Variants in SPEN observed in about 807,000 individuals in gnomAD.
SPEN encodes spen family transcriptional repressor.
In SPEN, 18 loss-of-function variants were observed where a neutral mutation model predicts 269.9. That is an observed-to-expected ratio of 0.07 (90% CI 0.05 to 0.10). The LOEUF (loss-of-function observed/expected upper bound fraction) is 0.10. Among genes scored for constraint, SPEN ranks in the 10% least tolerant of loss-of-function variants. The pLI, the probability that SPEN is intolerant of heterozygous loss-of-function variation, is 1.00. For synonymous variants in SPEN, 1,726 were observed against 1,765.7 expected, an observed-to-expected ratio of 0.98 and a Z score of 0.56; for missense variants, 3,822 against 4,631.2, an observed-to-expected ratio of 0.83 and a Z score of 5.07.
At chr1:15,909,252 A>C (rs2148728033) in intron 3 of SPEN, 69 bp from the exon 4 acceptor site, 1 of 1,524,256 alleles carries the variant, frequency 6.6e-7, no homozygotes, top group South Asian at 1.3e-5. Flanking sequence ...TTATTTTAAG[A>C]AGTTTTCTAA....
chr1:15,876,960 A>T (rs1314651203), intron 3 of SPEN, among the ~76,000 whole-genome samples: 1 of 152,204 alleles, frequency 6.6e-6, no homozygotes, highest in Non-Finnish European at 1.5e-5. Context: ...TGCAAGGCAA[A>T]TCTTGTGACA....
rs2071290838 is a variant in SPEN, at chr1:15,937,736, T to A, written c.10510-76T>A. On this transcript the variant is annotated intron_variant, in intron 12 of 14. Transcript: ENST00000375759. This position sits in a 1 kb window ranked among gnomAD's most constrained non-coding sequence, Gnocchi z 5.7. ...TTCCCTAGTTAACAGACCCACAAGC[T>A]ACAGCCTCTGGCTGTGTCCAGCATG... 1 of 1,607,106 alleles carries A rather than the reference T, an allele frequency of 6.2e-7. No homozygotes were observed. Among genetic ancestry groups the A allele is most frequent in the Non-Finnish European group, 8.5e-7 (1 of 1,176,146 alleles).
intron 10 of SPEN, among the ~76,000 whole-genome samples, chr1:15,927,268 T>G (rs1037220879): frequency 6.6e-6 from 1 of 152,180 alleles, no homozygotes; most frequent in Non-Finnish European, 1.5e-5. Flanking sequence ...ATCCCTGGTT[T>G]GTTAGTTGGC....
chr1:15,919,254 G>A (rs1284118382), intron 7 of SPEN, 150 bp from the exon 8 acceptor site: 2 of 687,790 alleles, frequency 2.9e-6, no homozygotes, highest in African/African-American at 3.7e-5. Context: ...GATTTTTTTT[G>A]TATATTCCTA....
At position 15,933,630 on chromosome 1, in the gene SPEN, G is replaced by T; in HGVS notation, c.7390G>T (p.Asp2464Tyr). The change falls in exon 11 of 15, where the codon GAT becomes TAT. Residue 2464 changes from aspartate to tyrosine, a missense_variant. By Grantham distance (160) the Asp-to-Tyr change is radical. This residue lies in a region of SPEN where 727 missense variants were observed against 737.9 expected (regional missense o/e 0.99). Coordinates refer to ENST00000375759, the MANE Select transcript of SPEN (RefSeq NM_015001.3). This position sits in a 1 kb window ranked among gnomAD's most constrained non-coding sequence, Gnocchi z 5.7. The stretch of plus-strand genomic sequence containing the variant: ...AAGTGACCCGGTGACCCCACCCAGC[G>T]ATCCAAGCATCCCCATACCCACACT... ...IESDPVTPPS[D>Y]PSIPIPTLPS... 3 of 1,614,028 alleles carry T rather than the reference G, an allele frequency of 1.9e-6. No homozygotes were observed. The highest frequency in any genetic ancestry group is 1.3e-5 in the African/African-American group (1 of 75,002).
In SPEN at chr1:15,939,688, C is replaced by CA. The variant is rs1394176154; in HGVS notation, c.*261_*262insA. 7 of 344,662 alleles carry CA rather than the reference C, an allele frequency of 2.0e-5. No homozygotes were observed. The highest frequency in any genetic ancestry group is 4.8e-5 in the Admixed American group (1 of 20,800). 21.4% of individuals were successfully genotyped at this position (344,662 alleles called of 1,614,324 possible). A position where few individuals can be genotyped will look rare whatever the true frequency, so the allele number is the denominator to read the frequency against. On this transcript the variant is annotated 3_prime_UTR_variant, in exon 15 of 15. Coordinates refer to ENST00000375759, the MANE Select transcript of SPEN (RefSeq NM_015001.3). This position sits in a 1 kb window ranked among gnomAD's most constrained non-coding sequence, Gnocchi z 4.1. ...ACTCGCAGACACCGGGGCTGGGTTT[C>CA]TCTTTCCTCTTTTTGGAGAAAAGGA...
At chr1:15,891,477 G>A (rs994466108) in intron 3 of SPEN, among the ~76,000 whole-genome samples, 1 of 150,608 alleles carries the variant, frequency 6.6e-6, no homozygotes, top group Admixed American at 6.7e-5. Flanking sequence ...TCAGCCTCCC[G>A]AGTAGCTGGG....
intron 10 of SPEN, among the ~76,000 whole-genome samples, chr1:15,926,723 C>T (rs1272637549): frequency 1.1e-4 from 16 of 147,630 alleles, no homozygotes; most frequent in Admixed American, 2.1e-4. Flanking sequence ...GATGGAGTCT[C>T]GCTGTGTCGC....
chr1:15,927,299 C>T (rs906193927), intron 10 of SPEN, among the ~76,000 whole-genome samples: 5 of 152,182 alleles, frequency 3.3e-5, no homozygotes, highest in Admixed American at 2.6e-4. Flanking sequence ...AAAGTGACAA[C>T]ATTTACTGAG....
intron 14 of SPEN, 85 bp downstream of exon 14, chr1:15,938,961 C>T: frequency 6.6e-7 from 1 of 1,511,446 alleles, no homozygotes; most frequent in Admixed American, 1.8e-5. Flanking sequence ...CTGGTGCCCA[C>T]TAGATCTGGC....
At chr1:15,873,292 T>C (rs1160537571) in intron 2 of SPEN, 156 bp downstream of exon 2, 2 of 985,326 alleles carry the variant, frequency 2.0e-6, no homozygotes, top group Non-Finnish European at 2.4e-6. Context: ...TCCCAATGGC[T>C]GGTATCTTAT....
intron 3 of SPEN, among the ~76,000 whole-genome samples, chr1:15,897,160 A>G (rs2070849970): frequency 6.6e-6 from 1 of 152,126 alleles, no homozygotes. Flanking sequence ...TAGACCAAAC[A>G]AAGTTGAAAT....
At chr1:15,852,602 G>A (rs1282932887) in intron 1 of SPEN, among the ~76,000 whole-genome samples, 1 of 152,118 alleles carries the variant, frequency 6.6e-6, no homozygotes, top group African/African-American at 2.4e-5. Flanking sequence ...TGTGTGGAGG[G>A]CACCTTTTTC....
At position 15,933,479 on chromosome 1, in the gene SPEN, A is replaced by G; in HGVS notation, c.7239A>G (p.Gln2413=). 1.2e-6 allele frequency: 2 copies of G among 1,614,130 alleles called. No individual in the cohort carries two copies. Among genetic ancestry groups the G allele is most frequent in the Non-Finnish European group, 1.7e-6 (2 of 1,180,006 alleles). ...TTCCCTCCACAGAGAATTCGTCCCAAGAAATCAGTGTTGAGGAAAGGACTC... is the reference window on the plus strand; with the variant it reads ...TTCCCTCCACAGAGAATTCGTCCCAGGAAATCAGTGTTGAGGAAAGGACTC... The part of the protein sequence containing the change: ...SKIPSTENSS[Q]EISVEERTPT... The change falls in exon 11 of 15, where the codon CAA becomes CAG. Residue 2413 remains glutamine, a synonymous_variant. Transcript: ENST00000375759. This position sits in a 1 kb window ranked among gnomAD's most constrained non-coding sequence, Gnocchi z 5.7.
intron 1 of SPEN, among the ~76,000 whole-genome samples, chr1:15,871,461 C>G (rs1278057889): frequency 2.0e-5 from 3 of 152,044 alleles, no homozygotes; most frequent in Non-Finnish European, 4.4e-5. Flanking sequence ...ATGCCTTAGC[C>G]TCCCAAGTAG....
At chr1:15,883,691 A>G (rs903549791) in intron 3 of SPEN, among the ~76,000 whole-genome samples, 3 of 151,650 alleles carry the variant, frequency 2.0e-5, no homozygotes, top group Non-Finnish European at 4.4e-5. Context: ...TACTGATGGT[A>G]TTCTTTGCAC....
chr1:15,877,212 A>G (rs553484999), intron 3 of SPEN, among the ~76,000 whole-genome samples: 214 of 152,330 alleles, frequency 1.4e-3, no homozygotes, highest in Non-Finnish European at 2.5e-3. Flanking sequence ...CTTTGAATGC[A>G]GGTTGTAACT....
rs781469397 is a variant in SPEN at position 15,935,850 on chromosome 1, A to G, written c.9610A>G (p.Thr3204Ala). The change falls in exon 11 of 15, where the codon ACG becomes GCG. Residue 3204 changes from threonine to alanine, a missense_variant. Thr to Ala is a moderately conservative substitution (Grantham distance 58). Around this residue, in one of 16 missense-constraint regions of SPEN, gnomAD observed 153 missense variants for 228.5 expected, o/e 0.67. Coordinates refer to ENST00000375759, the MANE Select transcript of SPEN (RefSeq NM_015001.3). The surrounding 1 kb of genome is among the most constrained non-coding windows in gnomAD (Gnocchi z 7.7). ...DVRIMVHPHVTAVSEQPRAAD... is the reference protein window; with the variant it reads ...DVRIMVHPHVAAVSEQPRAAD... ...GAGGATCATGGTGCATCCACATGTGACGGCAGTCAGCGAGCAGCCCAGGGC... is the reference window on the plus strand; with the variant it reads ...GAGGATCATGGTGCATCCACATGTGGCGGCAGTCAGCGAGCAGCCCAGGGC... The G allele has an allele frequency of 6.2e-7, 1 of 1,613,730 alleles. No individual in the cohort carries two copies. The highest frequency in any genetic ancestry group is 8.5e-7 in the Non-Finnish European group (1 of 1,179,976).
At chr1:15,896,341 G>A (rs1355098048) in intron 3 of SPEN, among the ~76,000 whole-genome samples, 2 of 151,770 alleles carry the variant, frequency 1.3e-5, no homozygotes, top group African/African-American at 2.4e-5. Flanking sequence ...GACTGCAGGC[G>A]TGTGCCACCA....
Sources: gnomAD v4.1 joint callset for allele counts (sites outside exome capture counted in the v4.1 genomes callset) on GRCh38, gnomAD v4.1.1 for gene constraint, gnomAD v4.1.1 regional missense constraint, Gnocchi (gnomAD v3.1) non-coding constraint, MANE v1.5 for transcripts, NCBI Gene and HGNC (gene_info 2026-07-23, HGNC 2026-07-21) for gene names.